The following KIRREL3 variants were observed in gnomAD, a reference collection of about 807,000 sequenced individuals.
KIRREL3 encodes kin of IRRE-like protein 3.
In KIRREL3, 36 loss-of-function variants were observed where a neutral mutation model predicts 89.7. That is an observed-to-expected ratio of 0.40 (90% confidence interval 0.31 to 0.53). The LOEUF (loss-of-function observed/expected upper bound fraction) is 0.53, where lower values mean the gene tolerates loss of function less well. Among genes scored for constraint, KIRREL3 ranks in the 20% least tolerant of loss-of-function variants. The pLI is 0.49. For synonymous variants in KIRREL3, 445 were observed against 441.4 expected (o/e 1.01, Z -0.10); for missense variants, 864 against 1,056.6 (o/e 0.82, Z 2.53).
rs754955050 is a variant in KIRREL3, at chr11:126,605,616, A to G, written c.56-42704T>C. Among the ~76,000 whole-genome samples the G allele has an allele frequency of 1.3e-5, 2 of 152,210 alleles. No individual in the cohort carries two copies. Among genetic ancestry groups the G allele is most frequent in the African/African-American group, 2.4e-5 (1 of 41,442 alleles). Reference sequence around the variant, plus strand: ...CCAGAGACAACCGGCGCGTTTTAATAATGTCTACTTGGGTTAATGAAAGTT... The same window carrying G: ...CCAGAGACAACCGGCGCGTTTTAATGATGTCTACTTGGGTTAATGAAAGTT... On this transcript the variant is annotated intron_variant, in intron 1 of 16. Transcript: ENST00000525144. This position sits in a 1 kb window ranked among gnomAD's most constrained non-coding sequence, Gnocchi z 5.7.
At chr11:126,998,464 G>A (rs1221784181) in intron 1 of KIRREL3, among the ~76,000 whole-genome samples, 1 of 152,144 alleles carries the variant, frequency 6.6e-6, no homozygotes, top group African/African-American at 2.4e-5. Context: ...CTACCATTTG[G>A]TAGGGTGGAC....
Position 126,735,243 on chromosome 11 carries a change from G to A in KIRREL3, c.56-172331C>T, listed in dbSNP as rs1255879640. ...GAGATAAAACCCATGACAGAAACTGGCAGTCGGTAGTAACATTAGCTGGGT... is the reference window on the plus strand; with the variant it reads ...GAGATAAAACCCATGACAGAAACTGACAGTCGGTAGTAACATTAGCTGGGT... On this transcript the variant is annotated intron_variant, in intron 1 of 16. Transcript: ENST00000525144. Among the ~76,000 whole-genome samples, 3 of 152,186 alleles carry A rather than the reference G, an allele frequency of 2.0e-5. No individual in the cohort carries two copies. In the East Asian group the frequency reaches 5.8e-4, roughly 29 times the overall value.
At chr11:126,660,901 G>C (rs1358278974) in intron 1 of KIRREL3, among the ~76,000 whole-genome samples, 1 of 152,142 alleles carries the variant, frequency 6.6e-6, no homozygotes. Flanking sequence ...ACTGTGTTTT[G>C]CTTTGACTTT....
At position 126,788,142 on chromosome 11, in the gene KIRREL3, C is replaced by T. The variant is rs78178884; in HGVS notation, c.55+212313G>A. Among the ~76,000 whole-genome samples the T allele has an allele frequency of 6.6e-6, 1 of 152,226 alleles. No homozygotes were observed. Among genetic ancestry groups the T allele is most frequent in the Non-Finnish European group, 1.5e-5 (1 of 68,040 alleles). ...CCCATAGCATCTAAAATCTGCTAGACATTGTGTGCAAAAAGAGTGGGTGAT... is the reference window on the plus strand; with the variant it reads ...CCCATAGCATCTAAAATCTGCTAGATATTGTGTGCAAAAAGAGTGGGTGAT... On this transcript the variant is annotated intron_variant, in intron 1 of 16. Coordinates refer to ENST00000525144, the MANE Select transcript of KIRREL3 (RefSeq NM_032531.4). This position sits in a 1 kb window ranked among gnomAD's most constrained non-coding sequence, Gnocchi z 4.1.
intron 1 of KIRREL3, among the ~76,000 whole-genome samples, chr11:126,751,165 C>G (rs1462694427): frequency 6.6e-6 from 1 of 152,220 alleles, no homozygotes; most frequent in African/African-American, 2.4e-5. Context: ...CCACAGGACT[C>G]AGGCTGGATG....
chr11:126,926,162 G>C (rs1428611742), intron 1 of KIRREL3, among the ~76,000 whole-genome samples: 1 of 152,214 alleles, frequency 6.6e-6, no homozygotes, highest in African/African-American at 2.4e-5. Context: ...GGTGCACACT[G>C]CCTGGCAACA....
chr11:126,549,269 C>T (rs767467054), intron 2 of KIRREL3: 1 of 152,176 alleles, frequency 6.6e-6, no homozygotes, highest in African/African-American at 2.4e-5. Context: ...CCTCCCATAC[C>T]AGTAACAACA....
intron 1 of KIRREL3, among the ~76,000 whole-genome samples, chr11:126,595,312 A>C (rs1361816356): frequency 6.6e-6 from 1 of 152,176 alleles, no homozygotes; most frequent in Non-Finnish European, 1.5e-5. Flanking sequence ...GGCTCCAGAG[A>C]TCCGGAGCTG....
chr11:126,470,186 C>T (rs890212705), intron 5 of KIRREL3, among the ~76,000 whole-genome samples: 2 of 152,242 alleles, frequency 1.3e-5, no homozygotes, highest in Admixed American at 1.3e-4. Flanking sequence ...GGCATGTGTC[C>T]TCTGCAGGAC....
chr11:126,720,717 G>A (rs1209825448), intron 1 of KIRREL3, among the ~76,000 whole-genome samples: 2 of 152,206 alleles, frequency 1.3e-5, no homozygotes, highest in Non-Finnish European at 2.9e-5. Context: ...GACTGTCCTA[G>A]GCAAACCAGT....
intron 1 of KIRREL3, among the ~76,000 whole-genome samples, chr11:126,654,622 G>A (rs1019332382): frequency 2.6e-5 from 4 of 152,044 alleles, no homozygotes; most frequent in East Asian, 1.9e-4. Context: ...CTAATGCTAT[G>A]TCCTGCATCT....
chr11:126,773,060 GT>G lies in KIRREL3; in HGVS notation c.56-210149del, dbSNP rs1950066008. ...CAAAGAGTTCCTAAAGGAAAAGACT[GT>G]TGTTGACCAAAGCCATTAGCTCCTA... On this transcript the variant is annotated intron_variant, in intron 1 of 16. Coordinates refer to ENST00000525144, the MANE Select transcript of KIRREL3 (RefSeq NM_032531.4). The surrounding 1 kb of genome is among the most constrained non-coding windows in gnomAD (Gnocchi z 4.2). 6.6e-6 allele frequency among the ~76,000 whole-genome samples: 1 copy of G among 152,212 alleles called. No homozygotes were observed. The highest frequency in any genetic ancestry group is 2.4e-5 in the African/African-American group (1 of 41,458).
At position 126,892,652 on chromosome 11, in the gene KIRREL3, G is replaced by A. The variant is rs1945971241; in HGVS notation, c.55+107803C>T. ...GTGTGTGTTTCCGGTGGGCAGGTGT[G>A]GCTGGAGGCATGACCCCTTTTCTCT... On this transcript the variant is annotated intron_variant, in intron 1 of 16. Transcript: ENST00000525144. This position sits in a 1 kb window ranked among gnomAD's most constrained non-coding sequence, Gnocchi z 5.4. Among the ~76,000 whole-genome samples the A allele has an allele frequency of 6.6e-6, 1 of 152,154 alleles. No homozygotes were observed. Among genetic ancestry groups the A allele is most frequent in the South Asian group, 2.1e-4 (1 of 4,828 alleles).
intron 1 of KIRREL3, among the ~76,000 whole-genome samples, chr11:126,963,582 A>G (rs747253602): frequency 6.6e-6 from 1 of 152,212 alleles, no homozygotes; most frequent in Non-Finnish European, 1.5e-5. Flanking sequence ...ATGGAAAGCA[A>G]TTAAGTTCAA....
intron 1 of KIRREL3, among the ~76,000 whole-genome samples, chr11:126,621,740 C>CCT (rs1449572409): frequency 6.6e-6 from 1 of 152,056 alleles, no homozygotes; most frequent in Admixed American, 6.5e-5. Context: ...TCTTGGAATT[C>CCT]CAAGGCTTTA....
chr11:126,529,627 T>A (rs1302210156), intron 2 of KIRREL3, among the ~76,000 whole-genome samples: 1 of 108,740 alleles, frequency 9.2e-6, no homozygotes, highest in Non-Finnish European at 1.8e-5. Flanking sequence ...AAGACCTTCC[T>A]AGAGCCTCTC....
chr11:126,905,459 A>G lies in KIRREL3; in HGVS notation c.55+94996T>C, dbSNP rs989193002. Among the ~76,000 whole-genome samples, 1 of 152,186 alleles carries G rather than the reference A, an allele frequency of 6.6e-6. No homozygotes were observed. The highest frequency in any genetic ancestry group is 2.4e-5 in the African/African-American group (1 of 41,442). On this transcript the variant is annotated intron_variant, in intron 1 of 16. Coordinates refer to ENST00000525144, the MANE Select transcript of KIRREL3 (RefSeq NM_032531.4). This position sits in a 1 kb window ranked among gnomAD's most constrained non-coding sequence, Gnocchi z 5.0. ...GGCTACACATTAGGTAGGTCCTTCC[A>G]TAATGTCTTTCTCATTAAGAGTCTA... is the stretch of plus-strand genomic sequence containing the variant.
chr11:126,427,160 A>G lies in KIRREL3; in HGVS notation c.1807-1436T>C, dbSNP rs1415422764. Among the ~76,000 whole-genome samples, 2 of 152,184 alleles carry G rather than the reference A, an allele frequency of 1.3e-5. No homozygotes were observed. Among genetic ancestry groups the G allele is most frequent in the African/African-American group, 2.4e-5 (1 of 41,438 alleles). ...GTCCCGTTTGGGATGAAGGACACAC[A>G]TGATTAAGCTTAAGTATAGAGACGT... On this transcript the variant is annotated intron_variant, in intron 15 of 16. Coordinates refer to ENST00000525144, the MANE Select transcript of KIRREL3 (RefSeq NM_032531.4). The surrounding 1 kb of genome is among the most constrained non-coding windows in gnomAD (Gnocchi z 5.3).
At chr11:126,626,667 T>A (rs888407506) in intron 1 of KIRREL3, among the ~76,000 whole-genome samples, 1 of 152,218 alleles carries the variant, frequency 6.6e-6, no homozygotes, top group African/African-American at 2.4e-5. Flanking sequence ...CACCGGTGCC[T>A]ATCAGCCCGT....
Sources: allele counts gnomAD v4.1 joint callset (sites outside exome capture counted in the v4.1 genomes callset), GRCh38; gene constraint gnomAD v4.1.1; non-coding constraint Gnocchi (gnomAD v3.1); transcripts MANE v1.5; gene names NCBI Gene and HGNC (gene_info 2026-07-23, HGNC 2026-07-21).